Variants in EPB41L4A observed in about 807,000 individuals in gnomAD.
EPB41L4A encodes erythrocyte membrane protein band 4.1 like 4A, also known as band 4.1-like protein 4A.
In EPB41L4A, 100 loss-of-function variants were observed where a neutral mutation model predicts 108.6. The ratio of observed to expected loss-of-function variants is 0.92; its 90% CI spans 0.78 to 1.09. EPB41L4A has a LOEUF of 1.09. EPB41L4A is among the 50% of genes least tolerant of loss of function. The pLI is 0.00. For missense variants in EPB41L4A, 1,030 were observed against 842.7 expected, an observed-to-expected ratio of 1.22 and a Z score of -2.75; for synonymous variants, 319 against 289.0, an observed-to-expected ratio of 1.10 and a Z score of -1.05.
chr5:112,360,641 C>T (rs1211797874), intron 1 of EPB41L4A, among the ~76,000 whole-genome samples: 12 of 152,214 alleles, frequency 7.9e-5, no homozygotes, highest in African/African-American at 2.4e-4. Flanking sequence ...ACCTCCCAGC[C>T]GCCTGCCTTG....
intron 2 of EPB41L4A, among the ~76,000 whole-genome samples, chr5:112,287,154 A>G (rs1753340923): frequency 6.6e-6 from 1 of 152,208 alleles, no homozygotes; most frequent in Non-Finnish European, 1.5e-5. Flanking sequence ...CAACTTCCAC[A>G]GTTATAGCCA....
At chr5:112,387,088 C>T (rs1353547953) in intron 1 of EPB41L4A, among the ~76,000 whole-genome samples, 1 of 152,196 alleles carries the variant, frequency 6.6e-6, no homozygotes. Context: ...GCACACTCCC[C>T]GGCCTCTCCA....
At chr5:112,360,009 T>C (rs1484778276) in intron 1 of EPB41L4A, among the ~76,000 whole-genome samples, 1 of 152,230 alleles carries the variant, frequency 6.6e-6, no homozygotes, top group African/African-American at 2.4e-5. Context: ...TAAAAAATAT[T>C]TTATCCAGGC....
At chr5:112,157,652 C>A (rs1049792443), downstream of EPB41L4A, among the ~76,000 whole-genome samples, 9 of 152,174 alleles carry the variant, frequency 5.9e-5, no homozygotes, top group African/African-American at 2.2e-4. Context: ...ATTTCTCCTG[C>A]CTTCCCTTCT....
At chr5:112,256,918 G>GT (rs1045888707) in intron 9 of EPB41L4A, 15 of 152,158 alleles carry the variant, frequency 9.9e-5, no homozygotes, top group East Asian at 3.9e-4. Context: ...TAAAAGTTTA[G>GT]TTTTTTGTAA....
chr5:112,416,262 A>G (rs1453560056), intron 1 of EPB41L4A, among the ~76,000 whole-genome samples: 1 of 152,162 alleles, frequency 6.6e-6, no homozygotes, highest in East Asian at 1.9e-4. Flanking sequence ...AATGTTTACC[A>G]AGATTCTCTC....
At chr5:112,418,815 C>T (rs1762879807) in intron 1 of EPB41L4A, 126 bp downstream of exon 1, 2 of 657,296 alleles carry the variant, frequency 3.0e-6, no homozygotes, top group Non-Finnish European at 5.4e-6. Flanking sequence ...GGGACAGCGG[C>T]CTCTCCTCCC....
chr5:112,264,915 T>C lies in EPB41L4A; in HGVS notation c.535A>G (p.Arg179Gly), dbSNP rs778417182. The C allele has an allele frequency of 6.2e-7, 1 of 1,612,094 alleles. No individual in the cohort carries two copies. Among genetic ancestry groups the C allele is most frequent in the African/African-American group, 1.3e-5 (1 of 74,858 alleles). Residue 179 changes from arginine (R) to glycine (G), a missense_variant, in exon 6 of 23, where the codon AGG (arginine) becomes GGG (glycine). Coordinates refer to ENST00000261486, the MANE Select transcript of EPB41L4A (RefSeq NM_022140.5). Reference protein sequence around the residue: ...QKEELEEAIERIHKTLMGQIP... With the variant: ...QKEELEEAIEGIHKTLMGQIP... ...TCTTACATTAGAGTTTTATGAATCC[T>C]TTCTATGGCTTCTTCAAGTTCTTCC...
intron 1 of EPB41L4A, among the ~76,000 whole-genome samples, chr5:112,337,194 T>G (rs1561582764): frequency 6.6e-6 from 1 of 152,210 alleles, no homozygotes; most frequent in Non-Finnish European, 1.5e-5. Flanking sequence ...CAGCTTTTCC[T>G]CTGTAATTAA....
chr5:112,223,212 T>A (rs1409168409), intron 12 of EPB41L4A, among the ~76,000 whole-genome samples: 1 of 152,242 alleles, frequency 6.6e-6, no homozygotes, highest in South Asian at 2.1e-4. Context: ...AGTGCTGGAA[T>A]TACAGGATTG....
rs148654692 is a variant in EPB41L4A at position 112,170,554 on chromosome 5, G to C, written c.1671-185C>G. Among the ~76,000 whole-genome samples the C allele has an allele frequency of 2.3e-3, 349 of 152,302 alleles. 1 individual carries two copies. Among genetic ancestry groups the C allele is most frequent in the African/African-American group, 7.9e-3 (327 of 41,552 alleles). ...TAGGAGGGGTAAAACCTTTTCTGTAGCTCTTTTGCCTTCTTTCAATTCTTC... is the reference window on the plus strand; with the variant it reads ...TAGGAGGGGTAAAACCTTTTCTGTACCTCTTTTGCCTTCTTTCAATTCTTC... On this transcript the variant is annotated intron_variant, in intron 19 of 22. Coordinates refer to ENST00000261486, the MANE Select transcript of EPB41L4A (RefSeq NM_022140.5).
intron 9 of EPB41L4A, among the ~76,000 whole-genome samples, chr5:112,254,730 G>A (rs1033876514): frequency 6.6e-6 from 1 of 152,028 alleles, no homozygotes; most frequent in Non-Finnish European, 1.5e-5. Flanking sequence ...CAATTCTCAT[G>A]ATGCTCCTTA....
intron 12 of EPB41L4A, among the ~76,000 whole-genome samples, chr5:112,231,437 T>G (rs897500263): frequency 2.6e-5 from 4 of 152,212 alleles, no homozygotes; most frequent in Admixed American, 2.6e-4. Flanking sequence ...CTAAATTTTA[T>G]AAAATAAGCA....
Position 112,184,134 on chromosome 5 carries a change from T to C in EPB41L4A, c.1504A>G (p.Ile502Val), listed in dbSNP as rs768064950. The change falls in exon 18 of 23, where the codon ATA becomes GTA. Residue 502 changes from isoleucine to valine, a missense_variant and splice_region_variant. By Grantham distance (29) the Ile-to-Val change is conservative. Transcript: ENST00000261486. ...NREYRKKRNR[I>V]RQENDMVDSA... ...TCAACCATATCATTCTCCTGCCGTA[T>C]TCTGAAAGGAAAGCCATGCATCTGA... 2 of 1,613,938 alleles carry C rather than the reference T, an allele frequency of 1.2e-6. No homozygotes were observed. Among genetic ancestry groups the C allele is most frequent in the Non-Finnish European group, 8.5e-7 (1 of 1,179,866 alleles).
chr5:112,161,292 A>C (rs1424535848), downstream of EPB41L4A: 1 of 349,374 alleles, frequency 2.9e-6, no homozygotes, highest in Non-Finnish European at 5.7e-6. Context: ...CACCTACCCT[A>C]CAGGTGAGTT....
At chr5:112,215,599 T>C (rs1375769169) in intron 12 of EPB41L4A, among the ~76,000 whole-genome samples, 1 of 151,704 alleles carries the variant, frequency 6.6e-6, no homozygotes, top group African/African-American at 2.4e-5. Flanking sequence ...CCGTCTCTAC[T>C]AAAAATACAA....
intron 15 of EPB41L4A, among the ~76,000 whole-genome samples, chr5:112,200,538 C>T (rs2150285135): frequency 6.6e-6 from 1 of 152,302 alleles, no homozygotes; most frequent in East Asian, 1.9e-4. Context: ...AGCATCTAAG[C>T]TCCCAAAGGA....
At chr5:112,258,945 A>T (rs895337029) in intron 9 of EPB41L4A, among the ~76,000 whole-genome samples, 1 of 152,196 alleles carries the variant, frequency 6.6e-6, no homozygotes, top group Non-Finnish European at 1.5e-5. Context: ...AGAGTACTGG[A>T]AAGCAAATTG....
At chr5:112,169,332 ATATG>A (rs1580357511) in intron 20 of EPB41L4A, among the ~76,000 whole-genome samples, 1 of 152,166 alleles carries the variant, frequency 6.6e-6, no homozygotes, top group South Asian at 2.1e-4. Flanking sequence ...ATACATATAT[ATATG>A]TATGTATGTA....
Sources: allele counts gnomAD v4.1 joint callset (sites outside exome capture counted in the v4.1 genomes callset), GRCh38; gene constraint gnomAD v4.1.1; transcripts MANE v1.5; gene names NCBI Gene and HGNC (gene_info 2026-07-23, HGNC 2026-07-21).